Variants in DIAPH3 observed in about 807,000 individuals in gnomAD.
The protein encoded by DIAPH3 is protein diaphanous homolog 3.
Under a neutral mutation model 144.3 loss-of-function variants are expected in DIAPH3, and 117 were observed. The ratio of observed to expected loss-of-function variants is 0.81; its 90% CI spans 0.70 to 0.95. The LOEUF (loss-of-function observed/expected upper bound fraction) is 0.95. DIAPH3 is among the 40% of genes least tolerant of loss of function. The pLI, the probability that DIAPH3 is intolerant of heterozygous loss-of-function variation, is 0.00. For synonymous variants in DIAPH3, 519 were observed against 488.9 expected (o/e 1.06, Z -0.81); for missense variants, 1,421 against 1,412.7 (o/e 1.01, Z -0.09).
intron 24 of DIAPH3, among the ~76,000 whole-genome samples, chr13:59,813,574 G>A (rs763686802): frequency 3.6e-4 from 55 of 152,074 alleles, no homozygotes; most frequent in Non-Finnish European, 6.9e-4. Context: ...CAACATAAGA[G>A]GCTGGGCACG....
intron 4 of DIAPH3, among the ~76,000 whole-genome samples, chr13:60,076,770 C>T (rs554579115): frequency 1.3e-5 from 2 of 152,230 alleles, no homozygotes; most frequent in African/African-American, 4.8e-5. Context: ...CCACTGGTCA[C>T]AATCTTAACT....
intron 22 of DIAPH3, among the ~76,000 whole-genome samples, chr13:59,854,412 G>T (rs917499427): frequency 2.0e-5 from 3 of 152,074 alleles, no homozygotes; most frequent in Admixed American, 1.3e-4. Context: ...ATACATTCTG[G>T]TTTCTGGAGA....
chr13:60,071,385 CT>C (rs1460837419), intron 4 of DIAPH3, among the ~76,000 whole-genome samples: 1 of 152,140 alleles, frequency 6.6e-6, no homozygotes, highest in Non-Finnish European at 1.5e-5. Flanking sequence ...TCCCACTATC[CT>C]TTTTCAAACA....
At chr13:60,024,971 G>C (rs2054279652) in intron 5 of DIAPH3, among the ~76,000 whole-genome samples, 1 of 152,136 alleles carries the variant, frequency 6.6e-6, no homozygotes, top group African/African-American at 2.4e-5. Context: ...GGTTGTGAAA[G>C]CCCTGACTCT....
intron 1 of DIAPH3, among the ~76,000 whole-genome samples, chr13:60,146,734 T>C (rs1056610543): frequency 6.6e-6 from 1 of 152,202 alleles, no homozygotes; most frequent in Non-Finnish European, 1.5e-5. Flanking sequence ...GATTTAAGCA[T>C]ATTTGTATAG....
intron 3 of DIAPH3, among the ~76,000 whole-genome samples, chr13:60,106,564 C>T (rs889780225): frequency 2.0e-5 from 3 of 152,188 alleles, no homozygotes; most frequent in East Asian, 1.9e-4. Flanking sequence ...TCCCCTTTCC[C>T]GCTAACAAAA....
chr13:59,995,697 C>T (rs954846974), intron 9 of DIAPH3, among the ~76,000 whole-genome samples: 1 of 151,736 alleles, frequency 6.6e-6, no homozygotes, highest in Non-Finnish European at 1.5e-5. Context: ...GAAATGACCA[C>T]GGGAGAAAAC....
At chr13:60,054,072 C>A (rs539956141) in intron 4 of DIAPH3, among the ~76,000 whole-genome samples, 1 of 152,036 alleles carries the variant, frequency 6.6e-6, no homozygotes, top group Non-Finnish European at 1.5e-5. Flanking sequence ...TGTTTTCCAA[C>A]TCACTAAATG....
chr13:59,871,307 C>T (rs75371027), intron 21 of DIAPH3, among the ~76,000 whole-genome samples: 5,801 of 151,810 alleles, frequency 0.038, 125 homozygotes, highest in Non-Finnish European at 0.049. Context: ...TCTTACTGTA[C>T]TAGCCAGGAC....
At chr13:59,667,960 G>C (rs2032118645) in intron 27 of DIAPH3, among the ~76,000 whole-genome samples, 1 of 152,208 alleles carries the variant, frequency 6.6e-6, no homozygotes, top group African/African-American at 2.4e-5. Context: ...TTACTGCACT[G>C]TCATTTTCTG....
chr13:59,997,065 G>A (rs921672967), intron 9 of DIAPH3, among the ~76,000 whole-genome samples: 9 of 151,968 alleles, frequency 5.9e-5, no homozygotes, highest in African/African-American at 2.2e-4. Flanking sequence ...ATCAAGTCAA[G>A]GTATTTAGGG....
chr13:59,711,441 TTTG>T (rs2034732732), intron 27 of DIAPH3, among the ~76,000 whole-genome samples: 1 of 152,130 alleles, frequency 6.6e-6, no homozygotes, highest in Non-Finnish European at 1.5e-5. Flanking sequence ...AATGACTTCT[TTTG>T]TTATTACCAC....
At chr13:59,690,986 A>G (rs572266040) in intron 27 of DIAPH3, among the ~76,000 whole-genome samples, 2 of 152,300 alleles carry the variant, frequency 1.3e-5, no homozygotes, top group East Asian at 1.9e-4. Flanking sequence ...CAGGGGATTT[A>G]CTATGAAAGT....
chr13:59,951,493 AC>A (rs1366474443), intron 17 of DIAPH3, among the ~76,000 whole-genome samples: 2 of 152,140 alleles, frequency 1.3e-5, no homozygotes, highest in East Asian at 3.9e-4. Flanking sequence ...ATACTGTATT[AC>A]CTATAACACA....
intron 20 of DIAPH3, among the ~76,000 whole-genome samples, chr13:59,910,650 A>C (rs1301220411): frequency 6.6e-6 from 1 of 151,532 alleles, no homozygotes; most frequent in East Asian, 1.9e-4. Context: ...AATCGCTTGA[A>C]CCTGGGAGGC....
chr13:60,082,392 G>GA (rs947864344), intron 4 of DIAPH3, among the ~76,000 whole-genome samples: 8 of 146,066 alleles, frequency 5.5e-5, no homozygotes, highest in Admixed American at 4.8e-4. Flanking sequence ...ACACATCAGT[G>GA]AAAAAAAAAG....
chr13:59,873,163 A>G (rs2044382107), intron 21 of DIAPH3, among the ~76,000 whole-genome samples: 1 of 152,204 alleles, frequency 6.6e-6, no homozygotes, highest in African/African-American at 2.4e-5. Context: ...GGCTGCATGT[A>G]AAATAAGAAT....
At chr13:59,848,196 C>T (rs2042761695) in intron 22 of DIAPH3, among the ~76,000 whole-genome samples, 1 of 152,112 alleles carries the variant, frequency 6.6e-6, no homozygotes, top group Admixed American at 6.6e-5. Context: ...ACACTTTTTC[C>T]TCAACAGAGC....
chr13:59,956,087 G>C (rs1000320284), intron 17 of DIAPH3, among the ~76,000 whole-genome samples: 2 of 152,208 alleles, frequency 1.3e-5, no homozygotes, highest in Admixed American at 1.3e-4. Flanking sequence ...AAGGGAAGTA[G>C]AGCATAGAAG....
Sources: allele counts gnomAD v4.1 joint callset (sites outside exome capture counted in the v4.1 genomes callset), GRCh38; gene constraint gnomAD v4.1.1; transcripts MANE v1.5; gene names NCBI Gene and HGNC (gene_info 2026-07-23, HGNC 2026-07-21).